FER1L6: variants seen among roughly 807,000 people sequenced by gnomAD.
The protein encoded by FER1L6 is fer-1 like family member 6.
FER1L6 carries 177 observed loss-of-function variants against 219.2 expected under a neutral mutation model. That is an observed-to-expected ratio of 0.81 (90% CI 0.71 to 0.91). The LOEUF (loss-of-function observed/expected upper bound fraction) is 0.91, where lower values mean the gene tolerates loss of function less well. FER1L6 is among the 40% of genes least tolerant of loss of function. The probability of loss-of-function intolerance (pLI) is 0.00; values close to 1 mark genes in which losing one functional copy is unlikely to be tolerated. For synonymous variants in FER1L6, 768 were observed against 824.3 expected, an observed-to-expected ratio of 0.93 and a Z score of 1.17; for missense variants, 2,153 against 2,259.9, an observed-to-expected ratio of 0.95 and a Z score of 0.96.
intron 1 of FER1L6, among the ~76,000 whole-genome samples, chr8:123,917,092 C>T (rs1309967146): frequency 6.6e-6 from 1 of 152,204 alleles, no homozygotes; most frequent in Admixed American, 6.5e-5. Context: ...ACCTTAGGCA[C>T]AATGCTTCAC....
intron 1 of FER1L6, among the ~76,000 whole-genome samples, chr8:123,915,344 G>T (rs1283221919): frequency 2.0e-5 from 3 of 151,956 alleles, no homozygotes; most frequent in Admixed American, 6.6e-5. Context: ...GGTGGCCTTG[G>T]CTTTTCATTT....
chr8:123,888,783 A>G lies in FER1L6; in HGVS notation c.-8+36598A>G, dbSNP rs569062677. On this transcript the variant is annotated intron_variant, in intron 1 of 40. Coordinates refer to ENST00000522917, the MANE Select transcript of FER1L6 (RefSeq NM_001039112.2). ...TTCATGGCTAAAATTCCAAGGCAAA[A>G]GCTATTGGATGTTTGTGTGAGTGTG... Among the ~76,000 whole-genome samples the G allele has an allele frequency of 4.6e-5, 7 of 152,306 alleles. No homozygotes were observed. In the South Asian group the frequency reaches 1.2e-3, roughly 27 times the overall value.
intron 22 of FER1L6, among the ~76,000 whole-genome samples, chr8:124,052,047 T>C (rs1462477352): frequency 1.3e-5 from 2 of 152,282 alleles, no homozygotes; most frequent in East Asian, 3.9e-4. Flanking sequence ...ACTAGAAAAA[T>C]CTTTGTCTTA....
intron 20 of FER1L6, 114 bp downstream of exon 20, chr8:124,040,120 G>C: frequency 2.2e-6 from 3 of 1,387,724 alleles, no homozygotes; most frequent in Non-Finnish European, 3.0e-6. Context: ...ATCTTTGGGT[G>C]TGTAGATGTT....
At chr8:123,985,177 A>T (rs1816510242) in intron 11 of FER1L6, 1 of 152,180 alleles carries the variant, frequency 6.6e-6, no homozygotes, top group Admixed American at 6.5e-5. Flanking sequence ...GCTGACTTTA[A>T]TTTGCTGTGT....
At chr8:124,003,478 T>A in intron 13 of FER1L6, 131 bp downstream of exon 13, 1 of 676,652 alleles carries the variant, frequency 1.5e-6, no homozygotes, top group South Asian at 2.3e-5. Flanking sequence ...TTTTTTTTTT[T>A]TTTGAGACGG....
intron 1 of FER1L6, among the ~76,000 whole-genome samples, chr8:123,946,430 T>C (rs1814489984): frequency 6.6e-6 from 1 of 152,080 alleles, no homozygotes; most frequent in Admixed American, 6.5e-5. Context: ...TTTTTTGTAT[T>C]TTTAGTAGAG....
At chr8:124,113,917 T>C (rs1055941771) in intron 39 of FER1L6, among the ~76,000 whole-genome samples, 103 of 152,338 alleles carry the variant, frequency 6.8e-4, no homozygotes, top group African/African-American at 2.3e-3. Flanking sequence ...CTTGACTATG[T>C]TGGTAAATAC....
intron 1 of FER1L6, among the ~76,000 whole-genome samples, chr8:123,929,106 C>A (rs1813670497): frequency 6.6e-6 from 1 of 152,076 alleles, no homozygotes; most frequent in South Asian, 2.1e-4. Context: ...CTAGAATGTT[C>A]CCGGTTCTTG....
intron 18 of FER1L6, among the ~76,000 whole-genome samples, chr8:124,034,383 G>C (rs1016444666): frequency 6.6e-6 from 1 of 152,102 alleles, no homozygotes; most frequent in African/African-American, 2.4e-5. Context: ...GAGCCACACT[G>C]CCTACATTTT....
intron 39 of FER1L6, among the ~76,000 whole-genome samples, chr8:124,112,507 G>C (rs942067466): frequency 6.6e-6 from 1 of 152,122 alleles, no homozygotes; most frequent in Non-Finnish European, 1.5e-5. Context: ...CTTATCCCAA[G>C]TCATCCTACT....
chr8:123,893,729 A>G (rs188967801), intron 1 of FER1L6, among the ~76,000 whole-genome samples: 7 of 152,296 alleles, frequency 4.6e-5, no homozygotes, highest in African/African-American at 9.6e-5. Context: ...AGTAAAGCCA[A>G]TTTAGGAGAA....
intron 12 of FER1L6, among the ~76,000 whole-genome samples, chr8:123,986,548 G>C (rs137999001): frequency 6.6e-6 from 1 of 151,792 alleles, no homozygotes; most frequent in Non-Finnish European, 1.5e-5. Context: ...ACTTAAAAAC[G>C]TACAGTAAGT....
intron 35 of FER1L6, 54 bp downstream of exon 35, chr8:124,095,092 AATGG>A: frequency 1.3e-6 from 2 of 1,597,948 alleles, no homozygotes; most frequent in South Asian, 2.2e-5. Context: ...ACTGTAGAGT[AATGG>A]TTTTCATCCA....
At chr8:123,958,436 A>G (rs1195449362) in intron 2 of FER1L6, among the ~76,000 whole-genome samples, 3 of 152,060 alleles carry the variant, frequency 2.0e-5, no homozygotes, top group African/African-American at 7.2e-5. Context: ...CACCTACAGG[A>G]GGGAGGCTGA....
chr8:124,020,047 G>A (rs940846708), intron 16 of FER1L6, among the ~76,000 whole-genome samples: 1 of 152,146 alleles, frequency 6.6e-6, no homozygotes, highest in African/African-American at 2.4e-5. Context: ...TCTGCTGGGA[G>A]GTAATTGAAT....
At chr8:124,083,491 C>G (rs1821661637) in intron 33 of FER1L6, among the ~76,000 whole-genome samples, 1 of 152,084 alleles carries the variant, frequency 6.6e-6, no homozygotes, top group Non-Finnish European at 1.5e-5. Context: ...TGTCCTTTCT[C>G]TGATATATCT....
chr8:123,935,245 G>A (rs1191272375), intron 1 of FER1L6, among the ~76,000 whole-genome samples: 2 of 151,626 alleles, frequency 1.3e-5, no homozygotes, highest in African/African-American at 2.4e-5. Flanking sequence ...TATTTAACAT[G>A]TTATAATCCA....
intron 1 of FER1L6, among the ~76,000 whole-genome samples, chr8:123,874,305 G>A (rs1053797620): frequency 1.4e-4 from 22 of 152,112 alleles, no homozygotes; most frequent in African/African-American, 5.1e-4. Flanking sequence ...GCCTAGGATG[G>A]CATCCAGGCT....
Sources: allele counts gnomAD v4.1 joint callset (sites outside exome capture counted in the v4.1 genomes callset), GRCh38; gene constraint gnomAD v4.1.1; transcripts MANE v1.5; gene names NCBI Gene and HGNC (gene_info 2026-07-23, HGNC 2026-07-21).